The following DZIP3 variants were observed in gnomAD, a reference collection of about 807,000 sequenced individuals.
The protein encoded by DZIP3 is E3 ubiquitin-protein ligase DZIP3.
A neutral mutation model predicts 162.0 loss-of-function variants in DZIP3; 118 were observed. The ratio of observed to expected loss-of-function variants is 0.73; its 90% CI spans 0.63 to 0.85. DZIP3 has a LOEUF of 0.85. Among genes scored for constraint, DZIP3 ranks in the 40% least tolerant of loss-of-function variants. DZIP3 has a pLI of 0.00. For synonymous variants in DZIP3, 438 were observed against 458.6 expected (o/e 0.96, Z 0.57); for missense variants, 1,331 against 1,407.0 (o/e 0.95, Z 0.86).
rs1447995081 is a variant in DZIP3 at position 108,616,712 on chromosome 3, G to A, written c.375+55G>A. On this transcript the variant is annotated intron_variant, in intron 5 of 32. Coordinates refer to ENST00000361582, the MANE Select transcript of DZIP3 (RefSeq NM_014648.4). The stretch of plus-strand genomic sequence containing the variant: ...TAATGGACTTGGTCAACATTTCTCA[G>A]TGAGAAAACAGCCAATGCATGCTTA... The A allele has an allele frequency of 1.9e-5, 24 of 1,280,424 alleles. No homozygotes were observed. In the East Asian group the frequency reaches 5.5e-4, roughly 29 times the overall value. The allele number at this position is 1,280,424 out of a possible 1,614,324, so 79.3% of individuals were successfully genotyped here. A position where few individuals can be genotyped will look rare whatever the true frequency, so the allele number is the denominator to read the frequency against.
chr3:108,631,244 G>A (rs1300977769), intron 8 of DZIP3, among the ~76,000 whole-genome samples: 1 of 151,768 alleles, frequency 6.6e-6, no homozygotes, highest in Admixed American at 6.6e-5. Context: ...CCTTGTTTTG[G>A]TGGTGCAACT....
rs770941309 is a variant in DZIP3, at chr3:108,675,835, A to G, written c.2743A>G (p.Ile915Val). The G allele has an allele frequency of 1.2e-6, 2 of 1,610,334 alleles. No individual in the cohort carries two copies. Among genetic ancestry groups the G allele is most frequent in the Non-Finnish European group, 1.7e-6 (2 of 1,178,090 alleles). Residue 915 changes from isoleucine (I) to valine (V), a missense_variant, in exon 25 of 33, where the codon ATT becomes GTT. Transcript: ENST00000361582. ...LKAAVDSWNA[I>V]VADVRNKIAF... ...GGCTGCGGTAGACAGTTGGAATGCC[A>G]TTGTGGCAGATGTTAGAAACAAGAT...
intron 3 of DZIP3, among the ~76,000 whole-genome samples, chr3:108,610,302 A>G (rs62266421): frequency 0.2 from 30,931 of 152,100 alleles, 3,729 homozygotes; most frequent in East Asian, 0.45. Flanking sequence ...TTATGTTTAT[A>G]TATTTTCCCC....
chr3:108,663,027 A>G (rs1293737097), intron 21 of DZIP3, among the ~76,000 whole-genome samples: 1 of 152,216 alleles, frequency 6.6e-6, no homozygotes, highest in Non-Finnish European at 1.5e-5. Context: ...GATATTTCTT[A>G]TAAATTGGGG....
chr3:108,645,544 C>T (rs1032001489), intron 14 of DZIP3, among the ~76,000 whole-genome samples: 1 of 152,164 alleles, frequency 6.6e-6, no homozygotes, highest in African/African-American at 2.4e-5. Flanking sequence ...ACCTTCTCAG[C>T]TATTCTTTTG....
chr3:108,639,252 C>T (rs1408372815), intron 12 of DZIP3, among the ~76,000 whole-genome samples: 1 of 152,176 alleles, frequency 6.6e-6, no homozygotes, highest in Non-Finnish European at 1.5e-5. Flanking sequence ...ATCTTGTTTT[C>T]TAGTATGTTC....
intron 27 of DZIP3, among the ~76,000 whole-genome samples, chr3:108,685,636 G>C (rs1944470437): frequency 6.6e-6 from 1 of 152,130 alleles, no homozygotes; most frequent in South Asian, 2.1e-4. Context: ...TACAACTTCT[G>C]CACCACTTTT....
intron 6 of DZIP3, among the ~76,000 whole-genome samples, 180 bp downstream of exon 6, chr3:108,624,704 T>A (rs1449198204): frequency 6.6e-6 from 1 of 152,110 alleles, no homozygotes; most frequent in Non-Finnish European, 1.5e-5. Context: ...ATTATTTAGC[T>A]TCTTTCACTT....
chr3:108,622,488 G>C (rs1350944961), intron 5 of DZIP3, among the ~76,000 whole-genome samples: 2 of 152,144 alleles, frequency 1.3e-5, no homozygotes, highest in East Asian at 3.9e-4. Flanking sequence ...TTTTTGGTTT[G>C]GTAAAGTCAT....
At chr3:108,661,441 C>T (rs555947056) in intron 19 of DZIP3, among the ~76,000 whole-genome samples, 1 of 152,128 alleles carries the variant, frequency 6.6e-6, no homozygotes, top group South Asian at 2.1e-4. Flanking sequence ...ACAATGAGAA[C>T]ACATGGACAC....
At chr3:108,662,077 A>G (rs1943463553) in intron 20 of DZIP3, 53 bp from the exon 21 acceptor site, 1 of 1,567,134 alleles carries the variant, frequency 6.4e-7, no homozygotes, top group East Asian at 2.3e-5. Flanking sequence ...TTTTTCTTTC[A>G]ATTTCTGGTG....
In DZIP3 at chr3:108,693,717, T is replaced by C. The variant is rs1243912829; in HGVS notation, c.*364T>C. ...AAAAGGAGTTAATATGCAAACTAAA[T>C]CACTCGCTCAATTGAATAATTGAGA... On this transcript the variant is annotated 3_prime_UTR_variant, in exon 33 of 33. Transcript: ENST00000361582. 1 of 152,148 alleles carries C rather than the reference T, an allele frequency of 6.6e-6. No individual in the cohort carries two copies. Among genetic ancestry groups the C allele is most frequent in the Admixed American group, 6.5e-5 (1 of 15,270 alleles). The allele number at this position is 152,148 out of a possible 1,614,324, so 9.4% of individuals were successfully genotyped here. A position where few individuals can be genotyped will look rare whatever the true frequency, so the allele number is the denominator to read the frequency against.
At chr3:108,624,323 G>A (rs899875649) in intron 5 of DZIP3, 121 bp from the exon 6 acceptor site, 2 of 601,294 alleles carry the variant, frequency 3.3e-6, no homozygotes, top group African/African-American at 3.9e-5. Flanking sequence ...GACTGATAAT[G>A]TTTTGATAAT....
chr3:108,643,047 CA>C lies in DZIP3; in HGVS notation c.1141+536del, dbSNP rs377109406. On this transcript the variant is annotated intron_variant, in intron 13 of 32. Transcript: ENST00000361582. ...CCAGCCAACTTTTTATTTGGTAACC[CA>C]AAGAAAGCTCCCTGTGTCATTAGCT... 2.3e-4 allele frequency among the ~76,000 whole-genome samples: 35 copies of C among 152,188 alleles called. No homozygotes were observed. The South Asian group carries it at 7.1e-3, about 31-fold the overall frequency.
At chr3:108,590,218 G>C (rs1173368502) in intron 1 of DZIP3, 4 of 152,178 alleles carry the variant, frequency 2.6e-5, no homozygotes, top group Non-Finnish European at 5.9e-5. Context: ...TATTGCATGT[G>C]TATGTAATGA....
At chr3:108,671,979 T>G (rs1943941977) in intron 22 of DZIP3, among the ~76,000 whole-genome samples, 1 of 151,926 alleles carries the variant, frequency 6.6e-6, no homozygotes, top group Non-Finnish European at 1.5e-5. Flanking sequence ...CTCTCACAGT[T>G]CTGGAAGCTG....
chr3:108,598,787 A>G (rs1416310955), intron 1 of DZIP3, among the ~76,000 whole-genome samples: 1 of 152,146 alleles, frequency 6.6e-6, no homozygotes, highest in Non-Finnish European at 1.5e-5. Flanking sequence ...CCACCTTTGG[A>G]GTATGTGCTT....
chr3:108,661,781 C>A lies in DZIP3; in HGVS notation c.2200-96C>A, dbSNP rs1178247213. On this transcript the variant is annotated intron_variant, in intron 19 of 32. Transcript: ENST00000361582. ...TGAGTGTTTGACTTGAGACAAAAAA[C>A]GTGAAAGGAGTTAGATGGCAACTTT... 5 of 867,400 alleles carry A rather than the reference C, an allele frequency of 5.8e-6. No individual in the cohort carries two copies. The East Asian group carries it at 1.3e-4, about 23-fold the overall frequency. The allele number at this position is 867,400 out of a possible 1,614,324, so 53.7% of individuals were successfully genotyped here.
chr3:108,672,867 G>A (rs1482133815), intron 23 of DZIP3, among the ~76,000 whole-genome samples: 1 of 151,846 alleles, frequency 6.6e-6, no homozygotes, highest in Non-Finnish European at 1.5e-5. Context: ...TTCTTATGTT[G>A]TTTTCTGCCA....
Sources: gnomAD v4.1 joint callset for allele counts (sites outside exome capture counted in the v4.1 genomes callset) on GRCh38, gnomAD v4.1.1 for gene constraint, MANE v1.5 for transcripts, NCBI Gene and HGNC (gene_info 2026-07-23, HGNC 2026-07-21) for gene names.